Variants in APOOL observed in about 807,000 individuals in gnomAD.
APOOL encodes the protein apolipoprotein O like.
Under a neutral mutation model 23.1 loss-of-function variants are expected in APOOL, and 12 were observed. The observed-to-expected ratio is 0.52, with a 90% CI of 0.33 to 0.84. The LOEUF is 0.84. Ranked by LOEUF, APOOL falls within the 40% of genes least tolerant of loss-of-function variation. The probability of loss-of-function intolerance (pLI) is 0.02; values close to 1 mark genes in which losing one functional copy is unlikely to be tolerated. For synonymous variants in APOOL, 77 were observed against 69.9 expected (o/e 1.10, Z -0.51); for missense variants, 212 against 199.6 (o/e 1.06, Z -0.37).
rs183083188 is a variant in APOOL at position 85,086,967 on chromosome X, A to G, written c.719-623A>G. ...GCCCGTCTCGGCCTCCCAAAGTGCT[A>G]GGATTACAGGCGTGAGCCACCGCGC... On this transcript the variant is annotated intron_variant, in intron 8 of 8. Transcript: ENST00000373173. Among the ~76,000 whole-genome samples, 787 of 110,603 alleles carry G rather than the reference A, an allele frequency of 7.1e-3. 5 individuals are homozygous for G. Among genetic ancestry groups the G allele is most frequent in the African/African-American group, 0.024 (736 of 30,394 alleles).
rs182904233 is a variant in APOOL, at chrX:85,066,040, G to A, written c.395-1087G>A. On this transcript the variant is annotated intron_variant, in intron 5 of 8. Transcript: ENST00000373173. ...CTCTTAATAATAGTTAAACCAGACC[G>A]AGATAGACCTCTTGTTTTTCCCTTC... is the stretch of plus-strand genomic sequence containing the variant. Among the ~76,000 whole-genome samples, 429 of 111,137 alleles carry A rather than the reference G, an allele frequency of 3.9e-3. 1 individual carries two copies. The highest frequency in any genetic ancestry group is 0.013 in the African/African-American group (396 of 30,680).
At chrX:85,022,662 T>C (rs1328499976) in intron 1 of APOOL, among the ~76,000 whole-genome samples, 1 of 110,565 alleles carries the variant, frequency 9.0e-6, no homozygotes, top group African/African-American at 3.3e-5. Flanking sequence ...CTAAAAGCTT[T>C]TCCTCTAAGA....
At chrX:85,059,101 C>T (rs1276767762) in intron 5 of APOOL, among the ~76,000 whole-genome samples, 8 of 95,514 alleles carry the variant, frequency 8.4e-5, no homozygotes, top group African/African-American at 3.2e-4. Context: ...TTGTTCAATT[C>T]CCACCTATGA....
At chrX:85,085,891 T>C (rs1011876925) in intron 8 of APOOL, among the ~76,000 whole-genome samples, 11 of 112,185 alleles carry the variant, frequency 9.8e-5, no homozygotes, top group African/African-American at 3.2e-4. Context: ...TGGGTTGTTA[T>C]GTTGTGGTCA....
Position 85,092,337 on chromosome X carries a change from G to C in APOOL, c.*4659G>C. The C allele has an allele frequency of 1.8e-6, 2 of 1,121,287 alleles. No homozygotes were observed. Among genetic ancestry groups the C allele is most frequent in the Non-Finnish European group, 2.4e-6 (2 of 848,673 alleles). The allele number at this position is 1,121,287 out of a possible 1,213,427, so 92.4% of individuals were successfully genotyped here. A position where few individuals can be genotyped will look rare whatever the true frequency, so the allele number is the denominator to read the frequency against. ...CAAAGTCAAACTGCTGTTAGACTCAGGTGACAGTCAAATGTTGGAGGCTGT... is the reference window on the plus strand; with the variant it reads ...CAAAGTCAAACTGCTGTTAGACTCACGTGACAGTCAAATGTTGGAGGCTGT... On this transcript the variant is annotated 3_prime_UTR_variant, in exon 9 of 9. Coordinates refer to ENST00000373173, the MANE Select transcript of APOOL (RefSeq NM_198450.6).
At chrX:85,004,277 TG>T (rs977420478) in intron 1 of APOOL, among the ~76,000 whole-genome samples, 6 of 111,637 alleles carry the variant, frequency 5.4e-5, no homozygotes, top group African/African-American at 1.6e-4. Context: ...TATATAAACT[TG>T]GCATTTGTCT....
At chrX:85,022,375 A>G (rs1921697070) in intron 1 of APOOL, among the ~76,000 whole-genome samples, 1 of 112,044 alleles carries the variant, frequency 8.9e-6, no homozygotes, top group Non-Finnish European at 1.9e-5. Context: ...GCACATTAAA[A>G]TAATCGTTTA....
intron 5 of APOOL, among the ~76,000 whole-genome samples, chrX:85,062,872 T>TC (rs756332826): frequency 5.9e-4 from 66 of 111,793 alleles, no homozygotes; most frequent in African/African-American, 1.8e-3. Flanking sequence ...ATGTGAATTT[T>TC]AAAATAGTTT....
chrX:85,030,962 G>A (rs1922019557), intron 1 of APOOL, among the ~76,000 whole-genome samples: 1 of 111,682 alleles, frequency 9.0e-6, no homozygotes, highest in Non-Finnish European at 1.9e-5. Context: ...GAGTTCACCA[G>A]AATTGTATTT....
intron 6 of APOOL, among the ~76,000 whole-genome samples, chrX:85,071,431 G>T (rs1256316142): frequency 9.0e-6 from 1 of 110,834 alleles, no homozygotes; most frequent in Non-Finnish European, 1.9e-5. Flanking sequence ...GTGTGTAATG[G>T]AAAGGATGGA....
chrX:85,033,764 G>T (rs1483025059), intron 1 of APOOL, among the ~76,000 whole-genome samples: 1 of 111,523 alleles, frequency 9.0e-6, no homozygotes, highest in East Asian at 2.8e-4. Context: ...TTATAATGAG[G>T]TGTGGCACAG....
intron 1 of APOOL, among the ~76,000 whole-genome samples, chrX:85,008,486 T>C (rs1270524370): frequency 9.1e-6 from 1 of 110,070 alleles, no homozygotes; most frequent in Non-Finnish European, 1.9e-5. Context: ...TCCATGTTGT[T>C]GTAAATGACA....
intron 1 of APOOL, among the ~76,000 whole-genome samples, chrX:85,005,144 A>ATTTTATTTTTTATT (rs375675485): frequency 9.2e-6 from 1 of 108,769 alleles, no homozygotes; most frequent in African/African-American, 3.4e-5. Flanking sequence ...ATTTTATTTT[A>ATTTTATTTTTTATT]TTTTATTTTT....
At chrX:85,059,577 G>C (rs2147652251) in intron 5 of APOOL, among the ~76,000 whole-genome samples, 2 of 109,280 alleles carry the variant, frequency 1.8e-5, no homozygotes, top group East Asian at 5.8e-4. Context: ...ATTCTAACTG[G>C]TGTGAGATGG....
chrX:85,072,580 C>T (rs1430900496), intron 6 of APOOL, among the ~76,000 whole-genome samples: 1 of 110,487 alleles, frequency 9.1e-6, no homozygotes, highest in East Asian at 2.8e-4. Flanking sequence ...CTCCCTACCC[C>T]CAAAAAGGAA....
intron 1 of APOOL, among the ~76,000 whole-genome samples, chrX:85,044,262 G>GTA (rs1332067592): frequency 9.3e-6 from 1 of 107,428 alleles, no homozygotes; most frequent in Non-Finnish European, 1.9e-5. Flanking sequence ...TTATGTGTGT[G>GTA]TGTGTGTGTA....
In APOOL at chrX:85,087,581, C is replaced by G; in HGVS notation, c.719-9C>G. 1 of 1,184,789 alleles carries G rather than the reference C, an allele frequency of 8.4e-7. No homozygotes were observed. Among genetic ancestry groups the G allele is most frequent in the Non-Finnish European group, 1.1e-6 (1 of 882,081 alleles). On this transcript the variant is annotated splice_polypyrimidine_tract_variant and intron_variant, in intron 8 of 8. Coordinates refer to ENST00000373173, the MANE Select transcript of APOOL (RefSeq NM_198450.6). Reference sequence around the variant, plus strand: ...ACTAATTTTTCTTTTCATTTTAATACTTTATCAGGTGCAACCCAGTTTATG... The same window carrying G: ...ACTAATTTTTCTTTTCATTTTAATAGTTTATCAGGTGCAACCCAGTTTATG...
rs1924513330 is a variant in APOOL at position 85,091,406 on chromosome X, C to T, written c.*3728C>T. 1 of 112,011 alleles carries T rather than the reference C, an allele frequency of 8.9e-6. No individual in the cohort carries two copies. The highest frequency in any genetic ancestry group is 2.8e-4 in the East Asian group (1 of 3,544). The allele number at this position is 112,011 out of a possible 1,213,427, so 9.2% of individuals were successfully genotyped here. ...CTTATGAAAAACTAGCAAGTGATAG[C>T]TGGTATTTACAGATATGGTACTTTA... On this transcript the variant is annotated 3_prime_UTR_variant, in exon 9 of 9. Coordinates refer to ENST00000373173, the MANE Select transcript of APOOL (RefSeq NM_198450.6).
chrX:85,067,627 A>AACACAC (rs758966009), intron 6 of APOOL, among the ~76,000 whole-genome samples: 2,665 of 90,337 alleles, frequency 0.03, 95 homozygotes, highest in African/African-American at 0.093. Flanking sequence ...CTGAAGGTAA[A>AACACAC]ACACACACAC....
Sources: allele counts gnomAD v4.1 joint callset (sites outside exome capture counted in the v4.1 genomes callset), GRCh38; gene constraint gnomAD v4.1.1; transcripts MANE v1.5; gene names NCBI Gene and HGNC (gene_info 2026-07-23, HGNC 2026-07-21).